The following NTRK3 variants were observed in gnomAD, a reference collection of about 807,000 sequenced individuals.
The protein encoded by NTRK3 is neurotrophic receptor tyrosine kinase 3.
NTRK3 carries 24 observed loss-of-function variants against 91.7 expected under a neutral mutation model. That is an observed-to-expected ratio of 0.26 (90% confidence interval 0.19 to 0.37). NTRK3 has a LOEUF of 0.37. NTRK3 is among the 10% of genes least tolerant of loss of function. NTRK3 has a pLI of 1.00. For missense variants in NTRK3, 880 were observed against 1,068.9 expected (o/e 0.82, Z 2.46); for synonymous variants, 483 against 404.0 (o/e 1.20, Z -2.34).
At chr15:87,958,829 C>G (rs1000056673) in intron 14 of NTRK3, among the ~76,000 whole-genome samples, 4 of 152,012 alleles carry the variant, frequency 2.6e-5, no homozygotes, top group African/African-American at 7.2e-5. Flanking sequence ...GGGACATGGT[C>G]GGCTAACCCA....
chr15:87,953,631 C>T (rs909835780), intron 14 of NTRK3, among the ~76,000 whole-genome samples: 9 of 152,088 alleles, frequency 5.9e-5, no homozygotes, highest in African/African-American at 2.2e-4. Flanking sequence ...CTTTGGGTGG[C>T]CCCAGAAGAA....
At chr15:87,889,639 T>C (rs780673231) in intron 17 of NTRK3, among the ~76,000 whole-genome samples, 9 of 152,054 alleles carry the variant, frequency 5.9e-5, no homozygotes, top group Non-Finnish European at 5.9e-5. Flanking sequence ...ACAGAAGAGA[T>C]CACCTTAAAG....
chr15:87,877,601 C>A lies in NTRK3; in HGVS notation c.2293-481G>T, dbSNP rs932892616. 3.4e-3 allele frequency among the ~76,000 whole-genome samples: 519 copies of A among 152,264 alleles called. 1 individual carries two copies. The highest frequency in any genetic ancestry group is 0.011 in the African/African-American group (466 of 41,540). On this transcript the variant is annotated intron_variant, in intron 18 of 18. Coordinates refer to ENST00000394480, the Ensembl canonical transcript of NTRK3. ...ATCTCCTCTTATCTCTCATTCCTGG[C>A]AGGCTCCCAGTTGCAGACTCTGTGC... is the stretch of plus-strand genomic sequence containing the variant.
At position 88,149,232 on chromosome 15, in the gene NTRK3, G is replaced by A. The variant is rs1016033428; in HGVS notation, c.396-1829C>T. On this transcript the variant is annotated intron_variant, in intron 5 of 18. Coordinates refer to ENST00000394480, the Ensembl canonical transcript of NTRK3. ...TGGACGCAGCCCTCTTTGGTGCAGTGGCTTGGTTCCACCCCAGCCTGAACT... is the reference window on the plus strand; with the variant it reads ...TGGACGCAGCCCTCTTTGGTGCAGTAGCTTGGTTCCACCCCAGCCTGAACT... 3.9e-5 allele frequency among the ~76,000 whole-genome samples: 6 copies of A among 152,268 alleles called. No homozygotes were observed. The East Asian group carries it at 1.2e-3, about 29-fold the overall frequency.
intron 13 of NTRK3, among the ~76,000 whole-genome samples, chr15:88,094,887 C>G (rs1358341400): frequency 1.3e-5 from 2 of 152,222 alleles, no homozygotes; most frequent in African/African-American, 2.4e-5. Context: ...TGTTTTAACT[C>G]CATCGTAACA....
At chr15:87,948,579 T>C (rs1010463850) in intron 14 of NTRK3, among the ~76,000 whole-genome samples, 5 of 152,120 alleles carry the variant, frequency 3.3e-5, no homozygotes, top group African/African-American at 9.7e-5. Flanking sequence ...TCCCAGCTAC[T>C]TGGGAAGCTG....
intron 13 of NTRK3, among the ~76,000 whole-genome samples, chr15:88,051,563 T>C (rs151161233): frequency 5.3e-5 from 8 of 152,258 alleles, no homozygotes; most frequent in African/African-American, 9.6e-5. Flanking sequence ...TAATGCCATC[T>C]TGGTCATGCC....
In NTRK3 at chr15:88,140,109, G is replaced by C. The variant is rs1331070505; in HGVS notation, c.465-2548C>G. The stretch of plus-strand genomic sequence containing the variant: ...AGAGAGGACTTTTACTGCCACATCA[G>C]GAAATTTGGAATTCATCCAGGAGGC... On this transcript the variant is annotated intron_variant, in intron 6 of 18. Coordinates refer to ENST00000394480, the Ensembl canonical transcript of NTRK3. Among the ~76,000 whole-genome samples the C allele has an allele frequency of 1.2e-4, 18 of 152,150 alleles. 1 individual carries two copies. Among genetic ancestry groups the C allele is most frequent in the African/African-American group, 4.8e-5 (2 of 41,418 alleles).
At chr15:87,965,068 TAA>T in intron 14 of NTRK3, among the ~76,000 whole-genome samples, 1 of 152,196 alleles carries the variant, frequency 6.6e-6, no homozygotes, top group Non-Finnish European at 1.5e-5. Context: ...ATCTTATTTT[TAA>T]AAAAAGGTAG....
intron 5 of NTRK3, among the ~76,000 whole-genome samples, chr15:88,149,462 C>T (rs534977754): frequency 1.3e-4 from 20 of 152,328 alleles, no homozygotes; most frequent in South Asian, 8.3e-4. Context: ...TGTCACCAAC[C>T]GCCTCTCTGC....
At chr15:88,172,317 A>G (rs1280827793) in intron 5 of NTRK3, among the ~76,000 whole-genome samples, 1 of 152,242 alleles carries the variant, frequency 6.6e-6, no homozygotes, top group Non-Finnish European at 1.5e-5. Context: ...GACTAAACTC[A>G]TTTTCTAAAT....
At chr15:88,201,183 T>C (rs16941429) in intron 3 of NTRK3, among the ~76,000 whole-genome samples, 8,843 of 152,228 alleles carry the variant, frequency 0.058, 797 homozygotes, top group African/African-American at 0.19. Flanking sequence ...TTACCCACCA[T>C]GATATGTTGG....
At chr15:88,063,820 A>G (rs898971283) in intron 13 of NTRK3, among the ~76,000 whole-genome samples, 1 of 152,216 alleles carries the variant, frequency 6.6e-6, no homozygotes, top group Non-Finnish European at 1.5e-5. Context: ...ATGAAAGGCC[A>G]AATAACCTGG....
intron 17 of NTRK3, chr15:87,927,218 A>G (rs140862383): frequency 6.6e-6 from 1 of 152,348 alleles, no homozygotes; most frequent in East Asian, 1.9e-4. Context: ...TTTGTCTTAT[A>G]TTCTCTCACA....
At chr15:88,116,137 T>C (rs1247396457) in intron 13 of NTRK3, among the ~76,000 whole-genome samples, 1 of 152,186 alleles carries the variant, frequency 6.6e-6, no homozygotes, top group Non-Finnish European at 1.5e-5. Flanking sequence ...GACAGTTTAC[T>C]GAAATCAACT....
intron 13 of NTRK3, among the ~76,000 whole-genome samples, chr15:88,106,051 G>A (rs116913363): frequency 6.6e-6 from 1 of 152,370 alleles, no homozygotes; most frequent in East Asian, 1.9e-4. Flanking sequence ...GTGTATGTGT[G>A]CGTATGTTCA....
intron 14 of NTRK3, among the ~76,000 whole-genome samples, chr15:87,975,515 G>A (rs983912351): frequency 6.6e-6 from 1 of 152,202 alleles, no homozygotes; most frequent in African/African-American, 2.4e-5. Context: ...TCAGGGAGCT[G>A]CAGGACTGGC....
At chr15:87,876,873 G>C (rs539871353) in exon 19 of NTRK3, 2 of 1,567,274 alleles carry the variant, frequency 1.3e-6, no homozygotes, top group Non-Finnish European at 1.8e-6. Context: ...TGAGGTGGAA[G>C]GGAGATGTGA....
chr15:88,046,595 AC>A (rs1429482764), intron 13 of NTRK3, among the ~76,000 whole-genome samples: 1 of 152,040 alleles, frequency 6.6e-6, no homozygotes, highest in Non-Finnish European at 1.5e-5. Flanking sequence ...CTGCCCACAT[AC>A]TTCATCCTTG....
Sources: gnomAD v4.1 joint callset for allele counts (sites outside exome capture counted in the v4.1 genomes callset) on GRCh38, gnomAD v4.1.1 for gene constraint, MANE v1.5 for transcripts, NCBI Gene and HGNC (gene_info 2026-07-23, HGNC 2026-07-21) for gene names.